The following CAPN15 variants were observed in gnomAD, a reference collection of about 807,000 sequenced individuals.
CAPN15 encodes the protein calpain-15.
A neutral mutation model predicts 97.9 loss-of-function variants in CAPN15; 53 were observed. The ratio of observed to expected loss-of-function variants is 0.54; its 90% CI spans 0.43 to 0.68. The LOEUF is 0.68. CAPN15 is among the 30% of genes least tolerant of loss of function. The pLI is 0.00. For synonymous variants in CAPN15, 922 were observed against 722.5 expected (o/e 1.28, Z -4.43); for missense variants, 1,592 against 1,589.8 (o/e 1.00, Z -0.02).
Position 549,477 on chromosome 16 carries a change from G to T in CAPN15, c.1842+6G>T. ...GCTGCCTCCTCTTCTCACAGGTGGG[G>T]CGGCCTGCAGGGTGGGCACGGGCGG... is the stretch of plus-strand genomic sequence containing the variant. On this transcript the variant is annotated splice_donor_region_variant and intron_variant, in intron 6 of 13. Coordinates refer to ENST00000219611, the MANE Select transcript of CAPN15 (RefSeq NM_005632.3). The T allele has an allele frequency of 6.3e-7, 1 of 1,583,810 alleles. No individual in the cohort carries two copies.
intron 13 of CAPN15, 103 bp downstream of exon 13, chr16:553,144 C>T: frequency 2.2e-6 from 1 of 455,950 alleles, no homozygotes; most frequent in Non-Finnish European, 3.8e-6. Flanking sequence ...CACAGGTGCC[C>T]CCTCCCCTAC....
chr16:553,569 G>T lies in CAPN15; in HGVS notation c.*53G>T. The T allele has an allele frequency of 8.6e-7, 1 of 1,169,034 alleles. No individual in the cohort carries two copies. The highest frequency in any genetic ancestry group is 1.2e-6 in the Non-Finnish European group (1 of 818,946). The allele number at this position is 1,169,034 out of a possible 1,614,324, so 72.4% of individuals were successfully genotyped here. On this transcript the variant is annotated 3_prime_UTR_variant, in exon 14 of 14. Coordinates refer to ENST00000219611, the MANE Select transcript of CAPN15 (RefSeq NM_005632.3). ...ACAGACGGACCCCCCACCCCCACACGCACTTTATGAGGGAGACCCCGACAG... is the reference window on the plus strand; with the variant it reads ...ACAGACGGACCCCCCACCCCCACACTCACTTTATGAGGGAGACCCCGACAG...
In CAPN15 at chr16:549,216, A is replaced by G; in HGVS notation, c.1658+15A>G. 1 of 243,008 alleles carries G rather than the reference A, an allele frequency of 4.1e-6. No homozygotes were observed. Among genetic ancestry groups the G allele is most frequent in the Non-Finnish European group, 7.3e-6 (1 of 136,790 alleles). The allele number at this position is 243,008 out of a possible 1,614,324, so 15.1% of individuals were successfully genotyped here. A position where few individuals can be genotyped will look rare whatever the true frequency, so the allele number is the denominator to read the frequency against. On this transcript the variant is annotated intron_variant, in intron 5 of 13. Coordinates refer to ENST00000219611, the MANE Select transcript of CAPN15 (RefSeq NM_005632.3). ...GGGAACTGCTGGTGAGGCCTTCTCCAAGGCCGGGGTGGGGCGGGTGGGCGG... is the reference window on the plus strand; with the variant it reads ...GGGAACTGCTGGTGAGGCCTTCTCCGAGGCCGGGGTGGGGCGGGTGGGCGG...
rs1020553184 is a variant in CAPN15, at chr16:528,870, T to A, written c.-190+841T>A. The A allele has an allele frequency of 8.1e-6, 5 of 616,520 alleles. No individual in the cohort carries two copies. The African/African-American group carries it at 1.0e-4, about 12-fold the overall frequency. 38.2% of individuals were successfully genotyped at this position (616,520 alleles called of 1,614,324 possible). On this transcript the variant is annotated intron_variant, in intron 1 of 13. Transcript: ENST00000219611. ...ACCCGGATCTCTTCCTCTGCCCAGG[T>A]CTGAGGGGTGCGGAAACGTGAGTCA...
At chr16:531,732 G>A (rs533500777) in intron 1 of CAPN15, among the ~76,000 whole-genome samples, 1 of 150,950 alleles carries the variant, frequency 6.6e-6, no homozygotes, top group Admixed American at 6.6e-5. Context: ...CCTTCTCTGG[G>A]ATGACAGGTG....
At chr16:530,215 G>A (rs1171092681) in intron 1 of CAPN15, among the ~76,000 whole-genome samples, 1 of 152,232 alleles carries the variant, frequency 6.6e-6, no homozygotes, top group Non-Finnish European at 1.5e-5. Context: ...TGTGGGATCT[G>A]CCTGCAGCAC....
chr16:544,002 T>TGC (rs2034350159), intron 3 of CAPN15, among the ~76,000 whole-genome samples: 1 of 152,088 alleles, frequency 6.6e-6, no homozygotes, highest in African/African-American at 2.4e-5. Context: ...GCGGCCGGCG[T>TGC]GGGGCTGAGG....
rs79343367 is a variant in CAPN15 at position 537,379 on chromosome 16, G to A, written c.-23+1237G>A. On this transcript the variant is annotated intron_variant, in intron 3 of 13. Coordinates refer to ENST00000219611, the MANE Select transcript of CAPN15 (RefSeq NM_005632.3). ...CTAAAGGCATCAGTGAGGAGCAGGCGGGGCCTGGTAGGAGCCTGTGTTTCT... is the reference window on the plus strand; with the variant it reads ...CTAAAGGCATCAGTGAGGAGCAGGCAGGGCCTGGTAGGAGCCTGTGTTTCT... 4.3e-3 allele frequency: 4,238 copies of A among 985,562 alleles called. 128 individuals carry two copies. The African/African-American group carries it at 0.069, about 16-fold the overall frequency. The allele number at this position is 985,562 out of a possible 1,614,324, so 61.1% of individuals were successfully genotyped here.
chr16:545,301 A>G (rs539614731), intron 3 of CAPN15, among the ~76,000 whole-genome samples: 1 of 151,442 alleles, frequency 6.6e-6, no homozygotes, highest in Non-Finnish European at 1.5e-5. Flanking sequence ...ACCAGGGCAG[A>G]AGGGCAGGGA....
rs759112599 is a variant in CAPN15 at position 547,832 on chromosome 16, A to C, written c.994A>C (p.Thr332Pro). The C allele has an allele frequency of 1.5e-4, 235 of 1,609,338 alleles. No homozygotes were observed. The highest frequency in any genetic ancestry group is 2.0e-4 in the Non-Finnish European group (230 of 1,178,772). The stretch of plus-strand genomic sequence containing the variant: ...CCTGGCCGGAGACACCGTGCGTTAC[A>C]CGCCCGCCAGCCCCTCCAGCCCCGA... ...IDLAGDTVRYTPASPSSPDFT... is the reference protein window; with the variant it reads ...IDLAGDTVRYPPASPSSPDFT... Residue 332 changes from threonine (T) to proline (P), a missense_variant, in exon 4 of 14, where the codon ACG (threonine) becomes CCG (proline). By Grantham distance (38) the Thr-to-Pro change is conservative. This residue lies in a region of CAPN15 where 883 missense variants were observed against 776.6 expected (regional missense o/e 1.14). Transcript: ENST00000219611.
intron 1 of CAPN15, among the ~76,000 whole-genome samples, chr16:532,037 C>T (rs542487761): frequency 4.0e-5 from 6 of 151,792 alleles, no homozygotes; most frequent in Non-Finnish European, 5.9e-5. Flanking sequence ...GTCAGGAGTT[C>T]GAGACCAGCC....
At chr16:534,678 C>T (rs894112772) in intron 2 of CAPN15, among the ~76,000 whole-genome samples, 1 of 152,208 alleles carries the variant, frequency 6.6e-6, no homozygotes, top group African/African-American at 2.4e-5. Context: ...CTCTTGTTTC[C>T]TGCCTGGACC....
At chr16:532,775 C>T (rs1188144296) in intron 1 of CAPN15, among the ~76,000 whole-genome samples, 1 of 151,190 alleles carries the variant, frequency 6.6e-6, no homozygotes, top group Non-Finnish European at 1.5e-5. Context: ...ATGGCGTGAA[C>T]CCAGGAGGTG....
chr16:553,274 T>C, intron 13 of CAPN15, 65 bp from the exon 14 acceptor site: 1 of 1,136,004 alleles, frequency 8.8e-7, no homozygotes, highest in Middle Eastern at 2.1e-4. Flanking sequence ...CCTGTACAGG[T>C]GGGCACAGCC....
intron 7 of CAPN15, 82 bp from the exon 8 acceptor site, chr16:551,219 GT>G (rs2035049951): frequency 2.0e-6 from 3 of 1,477,498 alleles, no homozygotes; most frequent in African/African-American, 4.0e-5. Context: ...GTCGGTGAGG[GT>G]CCCGGTCAGT....
chr16:553,384 C>T lies in CAPN15; in HGVS notation c.3129C>T (p.Phe1043=), dbSNP rs1316008529. Residue 1043 remains phenylalanine, a synonymous_variant, in exon 14 of 14, where the codon TTC becomes TTT. Transcript: ENST00000219611. ...ILSQLEGNAG[F]SITHRLAHRK... is the part of the protein sequence containing the mutation. ...CCCAGCTAGAGGGCAACGCCGGCTT[C>T]TCTATCACCCACCGCCTGGCACATC... 6 of 1,609,196 alleles carry T rather than the reference C, an allele frequency of 3.7e-6. No homozygotes were observed. Among genetic ancestry groups the T allele is most frequent in the South Asian group, 3.3e-5 (3 of 90,894 alleles).
At chr16:540,379 G>T (rs1355331306) in intron 3 of CAPN15, 1 of 984,200 alleles carries the variant, frequency 1.0e-6, no homozygotes, top group Non-Finnish European at 1.2e-6. Context: ...AAGGTAAGAG[G>T]TGGGGAGGGG....
chr16:547,499 G>T lies in CAPN15; in HGVS notation c.661G>T (p.Ala221Ser). Residue 221 changes from alanine to serine, a missense_variant, in exon 4 of 14, where the codon GCT (alanine) becomes TCT (serine). Ala to Ser is a moderately conservative substitution (Grantham distance 99, BLOSUM62 1). Coordinates refer to ENST00000219611, the MANE Select transcript of CAPN15 (RefSeq NM_005632.3). ...ANPPATSQGP[A>S]AEPEPPRVPP... The stretch of plus-strand genomic sequence containing the variant: ...CCCCCCAGCCACCAGCCAGGGCCCA[G>T]CTGCCGAACCAGAGCCGCCCAGGGT... 6.3e-7 allele frequency: 1 copy of T among 1,597,910 alleles called. No individual in the cohort carries two copies. Among genetic ancestry groups the T allele is most frequent in the Non-Finnish European group, 8.5e-7 (1 of 1,179,034 alleles).
intron 1 of CAPN15, chr16:528,604 G>T (rs1020667553): frequency 2.9e-6 from 1 of 339,070 alleles, no homozygotes; most frequent in African/African-American, 2.2e-5. Flanking sequence ...CCTCCCGCTG[G>T]CTGCAGAAGG....
Sources: gnomAD v4.1 joint callset for allele counts (sites outside exome capture counted in the v4.1 genomes callset) on GRCh38, gnomAD v4.1.1 for gene constraint, gnomAD v4.1.1 regional missense constraint, MANE v1.5 for transcripts, NCBI Gene and HGNC (gene_info 2026-07-23, HGNC 2026-07-21) for gene names.